The following BEST1 variants were observed in gnomAD, a reference collection of about 807,000 sequenced individuals.
The protein encoded by BEST1 is bestrophin 1.
A neutral mutation model predicts 63.3 loss-of-function variants in BEST1; 58 were observed. The observed-to-expected ratio is 0.92, with a 90% CI of 0.74 to 1.14. The LOEUF is 1.14. Ranked by LOEUF, BEST1 falls within the 50% of genes most tolerant of loss-of-function variation. The pLI, the probability that BEST1 is intolerant of heterozygous loss-of-function variation, is 0.00. For missense variants in BEST1, 671 were observed against 740.1 expected (o/e 0.91, Z 1.08); for synonymous variants, 283 against 291.6 (o/e 0.97, Z 0.30).
At chr11:61,956,460 T>G (rs1164470304) in intron 4 of BEST1, among the ~76,000 whole-genome samples, 1 of 152,070 alleles carries the variant, frequency 6.6e-6, no homozygotes, top group Non-Finnish European at 1.5e-5. Flanking sequence ...GAGACGCCCC[T>G]GAGCAACATA....
chr11:61,953,634 C>T (rs948550446), intron 2 of BEST1, among the ~76,000 whole-genome samples: 18 of 152,072 alleles, frequency 1.2e-4, no homozygotes, highest in African/African-American at 4.1e-4. Flanking sequence ...CGCTTGAGCC[C>T]GGGAGGCAGA....
Position 61,962,785 on chromosome 11 carries a change from T to G in BEST1, c.1631T>G (p.Met544Arg). ...RKTVEFNLTD[M>R]PEIPENHLKE... ...ACTGTGGAGTTTAACCTGACGGATA[T>G]GCCAGAGATCCCCGAAAATCACCTC... The change falls in exon 10 of 11, where the codon ATG (methionine) becomes AGG (arginine). Residue 544 changes from methionine (M) to arginine (R), a missense_variant. By Grantham distance (91) the Met-to-Arg change is moderately conservative. Transcript: ENST00000378043. 1 of 1,614,174 alleles carries G rather than the reference T, an allele frequency of 6.2e-7. No homozygotes were observed. The highest frequency in any genetic ancestry group is 8.5e-7 in the Non-Finnish European group (1 of 1,180,030).
At chr11:61,962,199 C>T in intron 9 of BEST1, 56 bp from the exon 10 acceptor site, 1 of 1,591,708 alleles carries the variant, frequency 6.3e-7, no homozygotes, top group South Asian at 1.1e-5. Context: ...AGAAGTAAGG[C>T]CAGGTGTTGG....
intron 2 of BEST1, among the ~76,000 whole-genome samples, chr11:61,953,423 A>T (rs985293297): frequency 6.6e-6 from 1 of 152,082 alleles, no homozygotes; most frequent in Non-Finnish European, 1.5e-5. Flanking sequence ...ATAAAAAATT[A>T]AAAAATTGGC....
intron 5 of BEST1, 108 bp downstream of exon 5, chr11:61,957,106 G>A: frequency 1.3e-6 from 2 of 1,533,486 alleles, no homozygotes; most frequent in Non-Finnish European, 1.8e-6. Flanking sequence ...GGTCTTCCGA[G>A]AGCCTGAGGT....
chr11:61,963,496 G>A, intron 10 of BEST1: 2 of 1,066,618 alleles, frequency 1.9e-6, no homozygotes, highest in African/African-American at 3.3e-5. Flanking sequence ...CACAAAATCA[G>A]ATATTTCCCT....
In BEST1 at chr11:61,962,729, G is replaced by C. The variant is rs1942204059; in HGVS notation, c.1575G>C (p.Glu525Asp). The change falls in exon 10 of 11, where the codon GAG becomes GAC. Residue 525 changes from glutamate (E) to aspartate (D), a missense_variant. Glu to Asp is a conservative substitution (Grantham distance 45). Transcript: ENST00000378043. ...LLSESDGALM[E>D]HPEVSQVRRK... ...CAGAGAGCGATGGGGCCTTGATGGA[G>C]CACCCAGAAGTATCTCAAGTGAGGA... is the stretch of plus-strand genomic sequence containing the variant. 6.2e-7 allele frequency: 1 copy of C among 1,614,104 alleles called. No individual in the cohort carries two copies.
chr11:61,955,974 G>A, intron 4 of BEST1, 23 bp downstream of exon 4: 2 of 1,540,948 alleles, frequency 1.3e-6, no homozygotes. Context: ...GGAGCAACGG[G>A]GAGGCACCGG....
chr11:61,959,762 A>G (rs569687723), intron 8 of BEST1, 130 bp from the exon 9 acceptor site: 1 of 1,407,492 alleles, frequency 7.1e-7, no homozygotes, highest in East Asian at 2.5e-5. Flanking sequence ...GCAGGCACCC[A>G]TCTCCCCATT....
chr11:61,959,675 G>T (rs1941835594), intron 8 of BEST1, 97 bp downstream of exon 8: 20 of 1,406,186 alleles, frequency 1.4e-5, no homozygotes, highest in Non-Finnish European at 2.0e-5. Context: ...CACAGTGAAT[G>T]ATCAACCCTT....
downstream of BEST1, chr11:61,965,264 C>T: frequency 6.3e-7 from 1 of 1,593,828 alleles, no homozygotes; most frequent in East Asian, 2.2e-5. Flanking sequence ...AGGCAAAAGC[C>T]CAGTGTATCA....
Position 61,964,156 on chromosome 11 carries a change from G to A in BEST1, c.*34G>A. On this transcript the variant is annotated 3_prime_UTR_variant, in exon 11 of 11. Transcript: ENST00000378043. ...CTAATGGGGATGCTTCGCCAGCCAG[G>A]TCCTCACCTGTGTGTACACCAGCAG... 1 of 1,613,530 alleles carries A rather than the reference G, an allele frequency of 6.2e-7. No individual in the cohort carries two copies. The highest frequency in any genetic ancestry group is 8.5e-7 in the Non-Finnish European group (1 of 1,179,962).
chr11:61,958,597 C>A, intron 7 of BEST1: 1 of 678,828 alleles, frequency 1.5e-6, no homozygotes, highest in Non-Finnish European at 2.5e-6. Flanking sequence ...CCCTAAGGTT[C>A]AGAAGCCCCT....
At chr11:61,959,017 G>A (rs195159) in intron 7 of BEST1, 237,524 of 237,808 alleles carry the variant, frequency 1, 118,623 homozygotes, top group Middle Eastern at 1. Flanking sequence ...GAAATTCTCC[G>A]GGGTGCCCCA....
chr11:61,957,536 G>GAGCCCTTCCCACCCCA, intron 6 of BEST1, 72 bp downstream of exon 6: 2 of 1,451,690 alleles, frequency 1.4e-6, no homozygotes, highest in Non-Finnish European at 1.9e-6. Flanking sequence ...CAGCTGGGGT[G>GAGCCCTTCCCACCCCA]GGAAGGGCTC....
chr11:61,954,233 C>G (rs979620227), intron 2 of BEST1, among the ~76,000 whole-genome samples: 1 of 152,212 alleles, frequency 6.6e-6, no homozygotes, highest in South Asian at 2.1e-4. Context: ...CCCAGCCTCC[C>G]CACTATCAAC....
At chr11:61,957,082 C>T (rs1941456670) in intron 5 of BEST1, 84 bp downstream of exon 5, 2 of 1,593,986 alleles carry the variant, frequency 1.3e-6, no homozygotes, top group African/African-American at 1.3e-5. Flanking sequence ...AAAGAGAAGC[C>T]TTGGGCCCCT....
chr11:61,963,138 G>A (rs1441612084), intron 10 of BEST1: 2 of 1,457,078 alleles, frequency 1.4e-6, no homozygotes, highest in Non-Finnish European at 9.1e-7. Flanking sequence ...GGGACCAGGT[G>A]AAGGAAGATG....
At position 61,964,120 on chromosome 11, in the gene BEST1, T is replaced by C; in HGVS notation, c.1756T>C (p.Ter586GlnextTer4). 6.2e-7 allele frequency: 1 copy of C among 1,614,052 alleles called. No homozygotes were observed. Among genetic ancestry groups the C allele is most frequent in the Non-Finnish European group, 8.5e-7 (1 of 1,180,022 alleles). ...TCTCACTAGGGATGAAGCACATTCC[T>C]AACCTGCTTCCTAATGGGGATGCTT... The part of the protein sequence containing the change: ...ALENRDEAHS[*>Q] Residue 586 changes from the stop codon to glutamine, a stop_lost, in exon 11 of 11, where the codon TAA becomes CAA. Transcript: ENST00000378043.
Sources: gnomAD v4.1 joint callset for allele counts (sites outside exome capture counted in the v4.1 genomes callset) on GRCh38, gnomAD v4.1.1 for gene constraint, MANE v1.5 for transcripts, NCBI Gene and HGNC (gene_info 2026-07-23, HGNC 2026-07-21) for gene names.